The following DLX5 variants were observed in gnomAD, a reference collection of about 807,000 sequenced individuals.
The protein encoded by DLX5 is distal-less homeobox 5, also known as homeobox protein DLX-5.
DLX5 carries 8 observed loss-of-function variants against 27.1 expected under a neutral mutation model. The observed-to-expected ratio is 0.30, with a 90% confidence interval of 0.17 to 0.53. DLX5 has a LOEUF of 0.53. Ranked by LOEUF, DLX5 falls within the 20% of genes least tolerant of loss-of-function variation. DLX5 has a pLI of 0.95. For missense variants in DLX5, 339 were observed against 375.1 expected (o/e 0.90, Z 0.80); for synonymous variants, 178 against 161.9 (o/e 1.10, Z -0.75).
rs1790031046 is a variant in DLX5 at position 97,020,827 on chromosome 7, T to C, written c.779A>G (p.Tyr260Cys). The C allele has an allele frequency of 6.2e-7, 1 of 1,613,796 alleles. No individual in the cohort carries two copies. Among genetic ancestry groups the C allele is most frequent in the Non-Finnish European group, 8.5e-7 (1 of 1,179,894 alleles). The change falls in exon 3 of 3, where the codon TAC becomes TGC. Residue 260 changes from tyrosine (Y) to cysteine (C), a missense_variant. By Grantham distance (194) the Tyr-to-Cys change is radical (BLOSUM62 -2). Transcript: ENST00000648378. ...SSYLENSASW[Y>C]TSAASSINSH... ...ATTGATTGAGCTGGCTGCACTTGTG[T>C]ACCAGGATGCAGAGTTCTCCAGGTA...
Position 97,020,556 on chromosome 7 carries a change from A to T in DLX5, c.*180T>A. Reference sequence around the variant, plus strand: ...AAAGTGTCCACAGTTGCGCAAAAAAAGTCCTCTGTAAAAAAAGGGGGGGTC... The same window carrying T: ...AAAGTGTCCACAGTTGCGCAAAAAATGTCCTCTGTAAAAAAAGGGGGGGTC... On this transcript the variant is annotated 3_prime_UTR_variant, in exon 3 of 3. Coordinates refer to ENST00000648378, the MANE Select transcript of DLX5 (RefSeq NM_005221.6). 1 of 594,796 alleles carries T rather than the reference A, an allele frequency of 1.7e-6. No individual in the cohort carries two copies. Among genetic ancestry groups the T allele is most frequent in the Non-Finnish European group, 2.7e-6 (1 of 374,214 alleles). 36.8% of individuals were successfully genotyped at this position (594,796 alleles called of 1,614,324 possible). A position where few individuals can be genotyped will look rare whatever the true frequency, so the allele number is the denominator to read the frequency against.
At chr7:97,021,121 T>G in intron 2 of DLX5, 56 bp from the exon 3 acceptor site, 1 of 1,501,036 alleles carries the variant, frequency 6.7e-7, no homozygotes, top group East Asian at 2.3e-5. Context: ...CGCCCGCGCC[T>G]TCCCCGGGGC....
At chr7:97,022,775 C>G (rs935556844) in intron 1 of DLX5, among the ~76,000 whole-genome samples, 2 of 152,158 alleles carry the variant, frequency 1.3e-5, no homozygotes, top group African/African-American at 4.8e-5. Context: ...GGCCCTGGGC[C>G]GTGACCCTAC....
rs375295363 is a variant in DLX5, at chr7:97,024,627, T to C, written c.-4A>G. On this transcript the variant is annotated 5_prime_UTR_variant, in exon 1 of 3. Transcript: ENST00000648378. The surrounding 1 kb of genome is among the most constrained non-coding windows in gnomAD (Gnocchi z 4.6). Reference sequence around the variant, plus strand: ...TTCTGTCAAACACTCCTGTCATCGCTCACGGGCGGCGGCAGCGGCTGTCCT... The same window carrying C: ...TTCTGTCAAACACTCCTGTCATCGCCCACGGGCGGCGGCAGCGGCTGTCCT... 4 of 1,583,052 alleles carry C rather than the reference T, an allele frequency of 2.5e-6. No homozygotes were observed. Among genetic ancestry groups the C allele is most frequent in the Non-Finnish European group, 3.4e-6 (4 of 1,162,742 alleles).
rs1387762480 is a variant in DLX5, at chr7:97,024,533, A to C, written c.91T>G (p.Ser31Ala). 11 of 1,614,224 alleles carry C rather than the reference A, an allele frequency of 6.8e-6. No individual in the cohort carries two copies. The highest frequency in any genetic ancestry group is 9.3e-6 in the Non-Finnish European group (11 of 1,180,042). Residue 31 changes from serine (S) to alanine (A), a missense_variant, in exon 1 of 3, where the codon TCT becomes GCT. Transcript: ENST00000648378. The surrounding 1 kb of genome is among the most constrained non-coding windows in gnomAD (Gnocchi z 4.6). ...FQTSAAMHHP[S>A]QESPTLPESS... ...TCGGGCAAAGTTGGCGATTCCTGAG[A>C]CGGATGGTGCATAGCTGCGGACGTC...
Position 97,024,500 on chromosome 7 carries a change from CTG to C in DLX5, c.122_123del (p.Ser41CysfsTer5). The C allele has an allele frequency of 6.2e-7, 1 of 1,614,248 alleles. No homozygotes were observed. Among genetic ancestry groups the C allele is most frequent in the South Asian group, 1.1e-5 (1 of 91,090 alleles). On this transcript the variant is annotated frameshift_variant, in exon 1 of 3. Coordinates refer to ENST00000648378, the MANE Select transcript of DLX5 (RefSeq NM_005221.6). LOFTEE classifies it high-confidence loss of function. The surrounding 1 kb of genome is among the most constrained non-coding windows in gnomAD (Gnocchi z 4.6). ...SQESPTLPESSATDSDYYSPT... is the reference protein window; with the variant it reads ...SQESPTLPESXATDSDYYSPT... ...GGGCTGTAGTAGTCAGAATCGGTAGCTGAAGACTCGGGCAAAGTTGGCGATTC... is the reference window on the plus strand; with the variant it reads ...GGGCTGTAGTAGTCAGAATCGGTAGCAAGACTCGGGCAAAGTTGGCGATTC...
Position 97,020,748 on chromosome 7 carries a change from C to T in DLX5, c.858G>A (p.Gly286=). 6.3e-7 allele frequency: 1 copy of T among 1,593,260 alleles called. No homozygotes were observed. Among genetic ancestry groups the T allele is most frequent in the Non-Finnish European group, 8.6e-7 (1 of 1,167,136 alleles). Residue 286 remains glycine (G), a synonymous_variant, in exon 3 of 3, where the codon GGG becomes GGA. Transcript: ENST00000648378. ...SLQHPLALAS[G]TLY ...GAGAGCAGCCCATCTAATAGAGTGT[C>T]CCGGAGGCCAGCGCCAGCGGGTGCT...
In DLX5 at chr7:97,020,633, T is replaced by C; in HGVS notation, c.*103A>G. ...AAAAAAAGCTTTACACATGAATCTT[T>C]TTCAGTTTTCCGAACTTCCCCATAT... On this transcript the variant is annotated 3_prime_UTR_variant, in exon 3 of 3. Coordinates refer to ENST00000648378, the MANE Select transcript of DLX5 (RefSeq NM_005221.6). The C allele has an allele frequency of 8.4e-7, 1 of 1,196,090 alleles. No individual in the cohort carries two copies. The highest frequency in any genetic ancestry group is 1.1e-6 in the Non-Finnish European group (1 of 888,110). 74.1% of individuals were successfully genotyped at this position (1,196,090 alleles called of 1,614,324 possible).
intron 1 of DLX5, among the ~76,000 whole-genome samples, chr7:97,023,427 A>T (rs1258061932): frequency 1.3e-5 from 2 of 151,760 alleles, no homozygotes; most frequent in Admixed American, 6.6e-5. Context: ...CAATTCTGCC[A>T]GAGTAGGGGA....
intron 2 of DLX5, chr7:97,021,836 T>C: frequency 3.7e-6 from 2 of 545,012 alleles, no homozygotes; most frequent in Non-Finnish European, 6.5e-6. Flanking sequence ...GAGGAGGCTC[T>C]ACATTGTTAA....
At chr7:97,023,909 C>G (rs1790129680) in intron 1 of DLX5, among the ~76,000 whole-genome samples, 1 of 152,080 alleles carries the variant, frequency 6.6e-6, no homozygotes, top group African/African-American at 2.4e-5. Flanking sequence ...TCCCAAGTAA[C>G]CTTCTCTTTG....
chr7:97,023,593 G>A (rs1488877358), intron 1 of DLX5, among the ~76,000 whole-genome samples: 3 of 151,948 alleles, frequency 2.0e-5, no homozygotes, highest in Non-Finnish European at 4.4e-5. Context: ...GAAAAAGGAG[G>A]ACGGAAAGAC....
chr7:97,020,828 A>T lies in DLX5; in HGVS notation c.778T>A (p.Tyr260Asn). The T allele has an allele frequency of 6.2e-7, 1 of 1,613,956 alleles. No homozygotes were observed. Among genetic ancestry groups the T allele is most frequent in the South Asian group, 1.1e-5 (1 of 91,062 alleles). The change falls in exon 3 of 3, where the codon TAC becomes AAC. Residue 260 changes from tyrosine (Y) to asparagine (N), a missense_variant. Physicochemically the swap from Tyr to Asn is moderately radical, Grantham distance 143. This residue lies in a region of DLX5 where 136 missense variants were observed against 130.3 expected (regional missense o/e 1.04). Transcript: ENST00000648378. ...SSYLENSASW[Y>N]TSAASSINSH... ...TTGATTGAGCTGGCTGCACTTGTGT[A>T]CCAGGATGCAGAGTTCTCCAGGTAG...
Position 97,024,733 on chromosome 7 carries a change from A to C in DLX5, c.-110T>G. On this transcript the variant is annotated 5_prime_UTR_variant, in exon 1 of 3. Transcript: ENST00000648378. This position sits in a 1 kb window ranked among gnomAD's most constrained non-coding sequence, Gnocchi z 4.6. ...GCAGACATGGCTGTGGGAGCGAGGG[A>C]GGAGGAGGAAGAGGAGGAGGAGAGA... 1.1e-6 allele frequency: 1 copy of C among 945,860 alleles called. No homozygotes were observed. Among genetic ancestry groups the C allele is most frequent in the Non-Finnish European group, 1.6e-6 (1 of 637,320 alleles). 58.6% of individuals were successfully genotyped at this position (945,860 alleles called of 1,614,324 possible).
In DLX5 at chr7:97,020,904, G is replaced by A. The variant is rs35273378; in HGVS notation, c.702C>T (p.Ser234=). ...WEPQGSSRSL[S]HHPHAHPPTS... is the part of the protein sequence containing the mutation. ...TCGGAGGGTGGGCATGAGGGTGGTG[G>A]CTGAGCGAGCGGGACGAGCCCTGGG... is the stretch of plus-strand genomic sequence containing the variant. Residue 234 remains serine (S), a synonymous_variant, in exon 3 of 3, where the codon AGC becomes AGT. Transcript: ENST00000648378. 338 of 1,614,188 alleles carry A rather than the reference G, an allele frequency of 2.1e-4. 2 individuals carry two copies. The African/African-American group carries it at 4.1e-3, about 20-fold the overall frequency.
At chr7:97,021,586 C>A (rs934545536) in intron 2 of DLX5, among the ~76,000 whole-genome samples, 1 of 152,188 alleles carries the variant, frequency 6.6e-6, no homozygotes, top group African/African-American at 2.4e-5. Flanking sequence ...TTGGCGGCGA[C>A]TCGAACATTC....
intron 1 of DLX5, among the ~76,000 whole-genome samples, chr7:97,023,058 A>G (rs1043095372): frequency 2.5e-4 from 38 of 149,414 alleles, no homozygotes; most frequent in Non-Finnish European, 4.4e-4. Context: ...TCTTCCACTT[A>G]TGCACGGAAT....
intron 2 of DLX5, among the ~76,000 whole-genome samples, chr7:97,021,659 A>G (rs1168425878): frequency 6.6e-6 from 1 of 152,040 alleles, no homozygotes; most frequent in Admixed American, 6.5e-5. Context: ...ATCCAGGAAG[A>G]CTTCTCACGT....
In DLX5 at chr7:97,020,925, C is replaced by G; in HGVS notation, c.681G>C (p.Gln227His). 6.2e-7 allele frequency: 1 copy of G among 1,614,074 alleles called. No homozygotes were observed. The change falls in exon 3 of 3, where the codon CAG (glutamine) becomes CAC (histidine). Residue 227 changes from glutamine (Q) to histidine (H), a missense_variant. Coordinates refer to ENST00000648378, the MANE Select transcript of DLX5 (RefSeq NM_005221.6). ...GGTGGCTGAGCGAGCGGGACGAGCCCTGGGGCTCCCACACCGCTGGAGACT... is the reference window on the plus strand; with the variant it reads ...GGTGGCTGAGCGAGCGGGACGAGCCGTGGGGCTCCCACACCGCTGGAGACT... Reference protein sequence around the residue: ...SPQSPAVWEPQGSSRSLSHHP... With the variant: ...SPQSPAVWEPHGSSRSLSHHP...
Sources: allele counts gnomAD v4.1 joint callset (sites outside exome capture counted in the v4.1 genomes callset), GRCh38; gene constraint gnomAD v4.1.1; regional missense constraint gnomAD v4.1.1; non-coding constraint Gnocchi (gnomAD v3.1); transcripts MANE v1.5; gene names NCBI Gene and HGNC (gene_info 2026-07-23, HGNC 2026-07-21).